OCA2: variants seen among roughly 807,000 people sequenced by gnomAD.
The protein encoded by OCA2 is P protein.
A neutral mutation model predicts 100.2 loss-of-function variants in OCA2; 77 were observed. The observed-to-expected ratio is 0.77, with a 90% CI of 0.64 to 0.93. OCA2 has a LOEUF of 0.93. Ranked by LOEUF, OCA2 falls within the 40% of genes least tolerant of loss-of-function variation. The pLI is 0.00. For missense variants in OCA2, 1,062 were observed against 1,089.1 expected, an observed-to-expected ratio of 0.98 and a Z score of 0.35; for synonymous variants, 432 against 439.2, an observed-to-expected ratio of 0.98 and a Z score of 0.21.
rs377558335 is a variant in OCA2, at chr15:27,878,524, A to G, written c.2080-6602T>C. ...GTTCTTTTCTTTCAGCACTTAAAGA[A>G]GGTGCTCCACTATCTACTTGCCTCC... On this transcript the variant is annotated intron_variant, in intron 19 of 23. Coordinates refer to ENST00000354638, the MANE Select transcript of OCA2 (RefSeq NM_000275.3). Among the ~76,000 whole-genome samples the G allele has an allele frequency of 1.3e-4, 20 of 152,188 alleles. 1 individual carries two copies. The highest frequency in any genetic ancestry group is 1.2e-3 in the East Asian group (6 of 5,200).
chr15:27,861,304 T>C (rs979980988), intron 21 of OCA2, among the ~76,000 whole-genome samples: 9 of 152,096 alleles, frequency 5.9e-5, no homozygotes, highest in African/African-American at 2.2e-4. Flanking sequence ...AATCAGGATT[T>C]CAGTTCGGGA....
At chr15:27,724,529 G>A in the OCA2 span, among the ~76,000 whole-genome samples, 4 of 152,114 alleles carry the variant, frequency 2.6e-5, no homozygotes, top group Non-Finnish European at 5.9e-5. Context: ...CTGGGGGTTA[G>A]GACTTCAACA....
Position 28,028,028 on chromosome 15 carries a change from A to G in OCA2, c.358T>C (p.Phe120Leu). The G allele has an allele frequency of 6.2e-7, 1 of 1,614,156 alleles. No homozygotes were observed. The highest frequency in any genetic ancestry group is 1.3e-5 in the African/African-American group (1 of 75,038). The change falls in exon 4 of 24, where the codon TTC (phenylalanine) becomes CTC (leucine). Residue 120 changes from phenylalanine (F) to leucine (L), a missense_variant. Physicochemically the swap from Phe to Leu is conservative, Grantham distance 22. Coordinates refer to ENST00000354638, the MANE Select transcript of OCA2 (RefSeq NM_000275.3). ...SRCIPVYHPE[F>L]ITAEESWEDS... is the part of the protein sequence containing the mutation. ...TCCCAAGACTCTTCAGCAGTGATGAACTCTGGATGGTAAACAGGTATGCAC... is the reference window on the plus strand; with the variant it reads ...TCCCAAGACTCTTCAGCAGTGATGAGCTCTGGATGGTAAACAGGTATGCAC...
intron 18 of OCA2, among the ~76,000 whole-genome samples, chr15:27,931,102 G>A (rs2039232284): frequency 6.6e-6 from 1 of 152,060 alleles, no homozygotes; most frequent in Non-Finnish European, 1.5e-5. Flanking sequence ...AGATAAAGGA[G>A]TTCTCCAAGA....
chr15:27,758,471 G>A (rs2030566407), intron 23 of OCA2, among the ~76,000 whole-genome samples: 1 of 152,244 alleles, frequency 6.6e-6, no homozygotes, highest in Non-Finnish European at 1.5e-5. Flanking sequence ...AGCCAGGGGT[G>A]TTTCAAGTTG....
chr15:27,996,215 G>A (rs566291678), intron 9 of OCA2, among the ~76,000 whole-genome samples: 1 of 152,192 alleles, frequency 6.6e-6, no homozygotes, highest in Admixed American at 6.5e-5. Flanking sequence ...CAAAATTTAT[G>A]GGACACAGCA....
At chr15:27,816,489 C>A (rs948598157) in intron 23 of OCA2, among the ~76,000 whole-genome samples, 4 of 152,164 alleles carry the variant, frequency 2.6e-5, no homozygotes, top group African/African-American at 9.7e-5. Flanking sequence ...CACCATGTCC[C>A]ATTCGTAAGT....
intron 3 of OCA2, among the ~76,000 whole-genome samples, chr15:28,030,291 A>G (rs1435922235): frequency 6.6e-6 from 1 of 152,136 alleles, no homozygotes. Flanking sequence ...TGGCCAACAT[A>G]ACCATAGATA....
At chr15:27,735,760 A>G in the OCA2 span, among the ~76,000 whole-genome samples, 1 of 152,212 alleles carries the variant, frequency 6.6e-6, no homozygotes, top group Non-Finnish European at 1.5e-5. Context: ...AAACAAAACA[A>G]AAAACCTGCC....
chr15:27,766,084 G>C (rs1402673352), intron 23 of OCA2, among the ~76,000 whole-genome samples: 1 of 152,140 alleles, frequency 6.6e-6, no homozygotes, highest in Non-Finnish European at 1.5e-5. Context: ...TCAGCTTCCT[G>C]TCAGCCTCTA....
intron 16 of OCA2, among the ~76,000 whole-genome samples, chr15:27,956,028 G>A (rs1567153713): frequency 6.6e-6 from 1 of 152,126 alleles, no homozygotes; most frequent in African/African-American, 2.4e-5. Context: ...ATGATTCTGA[G>A]GACAATTTTT....
the OCA2 span, among the ~76,000 whole-genome samples, chr15:27,746,125 A>G: frequency 6.6e-6 from 1 of 152,222 alleles, no homozygotes; most frequent in Non-Finnish European, 1.5e-5. Context: ...AAACCTCTTT[A>G]AACATTTTAC....
intron 21 of OCA2, among the ~76,000 whole-genome samples, chr15:27,854,614 TTG>T (rs1371839646): frequency 6.6e-6 from 1 of 152,222 alleles, no homozygotes; most frequent in Non-Finnish European, 1.5e-5. Flanking sequence ...TTTTCAAGCT[TTG>T]CTTTTGTTGT....
At chr15:27,775,381 C>G (rs2032150957) in intron 23 of OCA2, among the ~76,000 whole-genome samples, 1 of 152,156 alleles carries the variant, frequency 6.6e-6, no homozygotes, top group Admixed American at 6.5e-5. Context: ...GTCATTGGCT[C>G]CTGTACTGAA....
intron 9 of OCA2, among the ~76,000 whole-genome samples, chr15:28,011,473 AAAT>A (rs1233768654): frequency 6.6e-6 from 1 of 152,028 alleles, no homozygotes; most frequent in East Asian, 1.9e-4. Context: ...ATCTCAAAGA[AAAT>A]AATAATAATA....
intron 19 of OCA2, among the ~76,000 whole-genome samples, chr15:27,902,203 AGTT>A (rs1357658989): frequency 1.4e-5 from 1 of 73,240 alleles, no homozygotes; most frequent in Non-Finnish European, 2.7e-5. Context: ...ATGAAAAAAA[AGTT>A]GTTGTTGTTG....
At chr15:28,032,731 T>C (rs1401233897) in intron 2 of OCA2, among the ~76,000 whole-genome samples, 1 of 148,386 alleles carries the variant, frequency 6.7e-6, no homozygotes, top group Non-Finnish European at 1.5e-5. Flanking sequence ...AGGCGGAGGT[T>C]GCAGTGAGCC....
At chr15:27,909,485 C>A (rs186374792) in intron 19 of OCA2, among the ~76,000 whole-genome samples, 1 of 152,250 alleles carries the variant, frequency 6.6e-6, no homozygotes, top group Non-Finnish European at 1.5e-5. Context: ...GGGGACATAA[C>A]TAGCCCTACC....
the OCA2 span, among the ~76,000 whole-genome samples, chr15:27,724,668 A>T: frequency 1.3e-5 from 2 of 152,102 alleles, no homozygotes; most frequent in Non-Finnish European, 2.9e-5. Flanking sequence ...AACCTCCATC[A>T]GAGTCCGGAA....
Sources: allele counts gnomAD v4.1 joint callset (sites outside exome capture counted in the v4.1 genomes callset), GRCh38; gene constraint gnomAD v4.1.1; transcripts MANE v1.5; gene names NCBI Gene and HGNC (gene_info 2026-07-23, HGNC 2026-07-21).